The following DOCK10 variants were observed in gnomAD, a reference collection of about 807,000 sequenced individuals.
The protein encoded by DOCK10 is dedicator of cytokinesis protein 10.
A neutral mutation model predicts 280.1 loss-of-function variants in DOCK10; 145 were observed. The ratio of observed to expected loss-of-function variants is 0.52; its 90% CI spans 0.45 to 0.59. The LOEUF is 0.59. DOCK10 is among the 20% of genes least tolerant of loss of function. The pLI is 0.00. For missense variants in DOCK10, 2,368 were observed against 2,651.7 expected, an observed-to-expected ratio of 0.89 and a Z score of 2.35; for synonymous variants, 915 against 942.2, an observed-to-expected ratio of 0.97 and a Z score of 0.53.
intron 26 of DOCK10, among the ~76,000 whole-genome samples, chr2:224,831,499 A>T (rs538037279): frequency 6.6e-6 from 1 of 152,180 alleles, no homozygotes; most frequent in East Asian, 1.9e-4. Flanking sequence ...CTGCCCCTTG[A>T]GGGGCCTGGT....
At position 224,863,719 on chromosome 2, in the gene DOCK10, G is replaced by C. The variant is rs904866761; in HGVS notation, c.1602+834C>G. Among the ~76,000 whole-genome samples, 14 of 152,256 alleles carry C rather than the reference G, an allele frequency of 9.2e-5. 1 individual carries two copies. Among genetic ancestry groups the C allele is most frequent in the Admixed American group, 9.2e-4 (14 of 15,300 alleles). On this transcript the variant is annotated intron_variant, in intron 13 of 55. Coordinates refer to ENST00000258390, the MANE Select transcript of DOCK10 (RefSeq NM_014689.3). ...GCCTGCCTCAACCTCCCAAAGTGCT[G>C]GGATTACAGGCGTGAGCCACTGCGC...
chr2:224,820,494 G>A (rs996200892), intron 28 of DOCK10, among the ~76,000 whole-genome samples: 3 of 152,236 alleles, frequency 2.0e-5, no homozygotes, highest in Admixed American at 6.5e-5. Flanking sequence ...CCACGTGGGT[G>A]TGAGTAAACA....
At chr2:224,955,784 C>T (rs559184267) in intron 1 of DOCK10, among the ~76,000 whole-genome samples, 43 of 152,250 alleles carry the variant, frequency 2.8e-4, no homozygotes, top group African/African-American at 9.4e-4. Flanking sequence ...AGTTAAGGTC[C>T]CCAATTAAAG....
At chr2:224,967,052 A>T (rs1704790582) in intron 1 of DOCK10, among the ~76,000 whole-genome samples, 1 of 152,156 alleles carries the variant, frequency 6.6e-6, no homozygotes, top group South Asian at 2.1e-4. Flanking sequence ...TATCAGGACC[A>T]AATGGATAAA....
intron 3 of DOCK10, among the ~76,000 whole-genome samples, chr2:224,902,060 G>A (rs1406927610): frequency 1.3e-5 from 2 of 152,292 alleles, no homozygotes; most frequent in East Asian, 3.9e-4. Context: ...TTAAAAATGA[G>A]TGGGCTATTA....
At chr2:225,039,397 T>C (rs753215727) in intron 1 of DOCK10, among the ~76,000 whole-genome samples, 12 of 152,202 alleles carry the variant, frequency 7.9e-5, no homozygotes, top group Non-Finnish European at 1.6e-4. Flanking sequence ...ATGGGGAATT[T>C]TAGGATAATG....
chr2:225,019,445 C>CTTTTTT (rs11399371), intron 1 of DOCK10, among the ~76,000 whole-genome samples: 1 of 139,690 alleles, frequency 7.2e-6, no homozygotes. Context: ...GTGGTTTAAT[C>CTTTTTT]TTTTTTTTTT....
intron 1 of DOCK10, among the ~76,000 whole-genome samples, chr2:224,968,772 C>T (rs928286866): frequency 2.0e-5 from 3 of 152,176 alleles, no homozygotes; most frequent in African/African-American, 7.2e-5. Flanking sequence ...GAGTCTTTAT[C>T]CAGCTACATA....
chr2:224,798,688 G>A (rs1692759396), intron 41 of DOCK10, among the ~76,000 whole-genome samples: 2 of 149,572 alleles, frequency 1.3e-5, no homozygotes, highest in South Asian at 2.1e-4. Context: ...CAGGAGTGTC[G>A]TGGCACCATC....
intron 52 of DOCK10, among the ~76,000 whole-genome samples, chr2:224,774,173 C>T (rs1559367943): frequency 1.3e-5 from 2 of 152,174 alleles, no homozygotes; most frequent in African/African-American, 4.8e-5. Flanking sequence ...GATGGCCCAG[C>T]TCTCAAAGCG....
chr2:224,978,205 C>G lies in DOCK10; in HGVS notation c.124-46537G>C, dbSNP rs894739324. On this transcript the variant is annotated intron_variant, in intron 1 of 55. Coordinates refer to ENST00000258390, the MANE Select transcript of DOCK10 (RefSeq NM_014689.3). ...ATACCAGCACTTTGGGAGGCTGAGG[C>G]GAGTGGAACACGAGGTCAGGAGTTC... 9.9e-4 allele frequency among the ~76,000 whole-genome samples: 151 copies of G among 152,080 alleles called. 2 individuals carry two copies. The highest frequency in any genetic ancestry group is 2.4e-4 in the Non-Finnish European group (16 of 68,008).
intron 1 of DOCK10, among the ~76,000 whole-genome samples, chr2:225,002,094 G>A (rs182430301): frequency 6.6e-5 from 10 of 152,302 alleles, no homozygotes; most frequent in Admixed American, 3.3e-4. Flanking sequence ...GACCTGGGCC[G>A]TGAAGGATGA....
chr2:224,775,624 T>G (rs1276363498), intron 51 of DOCK10, among the ~76,000 whole-genome samples: 1 of 152,088 alleles, frequency 6.6e-6, no homozygotes, highest in Non-Finnish European at 1.5e-5. Context: ...TACAGGCATG[T>G]GCCACCACAC....
chr2:224,813,222 G>C (rs902209096), intron 31 of DOCK10, among the ~76,000 whole-genome samples: 11 of 152,180 alleles, frequency 7.2e-5, no homozygotes, highest in African/African-American at 7.2e-5. Context: ...TTGAGACAGA[G>C]TCTCACTGTG....
intron 5 of DOCK10, 62 bp from the exon 6 acceptor site, chr2:224,886,247 C>T (rs1460047230): frequency 6.3e-7 from 1 of 1,592,088 alleles, no homozygotes; most frequent in African/African-American, 1.4e-5. Context: ...CTAGACACTG[C>T]ATTTAAAAAA....
At chr2:225,008,628 T>A (rs1689343963) in intron 1 of DOCK10, among the ~76,000 whole-genome samples, 1 of 152,140 alleles carries the variant, frequency 6.6e-6, no homozygotes, top group Non-Finnish European at 1.5e-5. Flanking sequence ...GAACTACTGT[T>A]ATGTACCAAA....
At chr2:224,771,562 C>T (rs1027110894) in intron 53 of DOCK10, among the ~76,000 whole-genome samples, 3 of 152,192 alleles carry the variant, frequency 2.0e-5, no homozygotes, top group Admixed American at 6.5e-5. Flanking sequence ...GATGGCCTCA[C>T]TTGTGCAGGA....
At chr2:224,826,985 A>C (rs552872606) in intron 27 of DOCK10, among the ~76,000 whole-genome samples, 2 of 150,726 alleles carry the variant, frequency 1.3e-5, no homozygotes, top group Non-Finnish European at 3.0e-5. Flanking sequence ...AAAATGGGCC[A>C]TGCGTGGTGG....
In DOCK10 at chr2:224,874,092, T is replaced by C; in HGVS notation, c.1161A>G (p.Glu387=). 1 of 1,611,560 alleles carries C rather than the reference T, an allele frequency of 6.2e-7. No individual in the cohort carries two copies. Among genetic ancestry groups the C allele is most frequent in the Non-Finnish European group, 8.5e-7 (1 of 1,178,638 alleles). Residue 387 remains glutamate (E), a synonymous_variant, in exon 11 of 56, where the codon GAA becomes GAG. Transcript: ENST00000258390. Reference sequence around the variant, plus strand: ...TCATGATTCTCTTGGCAGCTTTTTCTTCAAATGGTTTGATCACAGACTCAG... The same window carrying C: ...TCATGATTCTCTTGGCAGCTTTTTCCTCAAATGGTTTGATCACAGACTCAG... ...LEPESVIKPF[E]EKAAKRIMII...
Sources: gnomAD v4.1 joint callset for allele counts (sites outside exome capture counted in the v4.1 genomes callset) on GRCh38, gnomAD v4.1.1 for gene constraint, MANE v1.5 for transcripts, NCBI Gene and HGNC (gene_info 2026-07-23, HGNC 2026-07-21) for gene names.